The following MYO5B variants were observed in gnomAD, a reference collection of about 807,000 sequenced individuals.
MYO5B encodes the protein unconventional myosin-Vb.
MYO5B carries 143 observed loss-of-function variants against 229.3 expected under a neutral mutation model. That is an observed-to-expected ratio of 0.62 (90% CI 0.54 to 0.72). The LOEUF (loss-of-function observed/expected upper bound fraction) is 0.72, where lower values mean the gene tolerates loss of function less well. Ranked by LOEUF, MYO5B falls within the 30% of genes least tolerant of loss-of-function variation. The pLI is 0.00. For missense variants in MYO5B, 2,321 were observed against 2,331.0 expected (o/e 1.00, Z 0.09); for synonymous variants, 918 against 885.2 (o/e 1.04, Z -0.66).
At chr18:50,130,911 T>C (rs1033609834) in intron 1 of MYO5B, among the ~76,000 whole-genome samples, 1 of 152,122 alleles carries the variant, frequency 6.6e-6, no homozygotes, top group Non-Finnish European at 1.5e-5. Context: ...ACCAAGCTCC[T>C]CTCCTTCCAG....
At chr18:49,868,859 T>C (rs1190735450) in intron 27 of MYO5B, among the ~76,000 whole-genome samples, 3 of 152,262 alleles carry the variant, frequency 2.0e-5, no homozygotes, top group Non-Finnish European at 4.4e-5. Context: ...ACCTAAGCCT[T>C]GTGCAGGGTA....
chr18:50,157,622 G>T (rs2032701273), intron 1 of MYO5B, among the ~76,000 whole-genome samples: 1 of 152,058 alleles, frequency 6.6e-6, no homozygotes, highest in Non-Finnish European at 1.5e-5. Flanking sequence ...CTCACTAGCT[G>T]CTGCTTCTCA....
intron 1 of MYO5B, among the ~76,000 whole-genome samples, chr18:50,088,994 T>TC (rs2031389859): frequency 6.6e-6 from 1 of 152,170 alleles, no homozygotes; most frequent in Non-Finnish European, 1.5e-5. Context: ...ATGCTCATTT[T>TC]TCCTGGTCAG....
intron 1 of MYO5B, among the ~76,000 whole-genome samples, chr18:50,191,260 TCTC>T (rs780890244): frequency 6.6e-6 from 1 of 151,984 alleles, no homozygotes; most frequent in African/African-American, 2.4e-5. Flanking sequence ...TCCCAGAAAA[TCTC>T]CTTAATTTCA....
chr18:50,004,690 C>T (rs1339020023), intron 4 of MYO5B, among the ~76,000 whole-genome samples: 1 of 152,124 alleles, frequency 6.6e-6, no homozygotes, highest in Non-Finnish European at 1.5e-5. Context: ...ATCATGAGAG[C>T]CCATGAGTCC....
chr18:49,937,144 T>A (rs1311781981), intron 15 of MYO5B, 101 bp downstream of exon 15: 4 of 1,429,404 alleles, frequency 2.8e-6, no homozygotes, highest in Non-Finnish European at 3.9e-6. Flanking sequence ...ATGTCAAGGC[T>A]GCTGTGATGG....
At chr18:49,927,688 C>T (rs181617197) in intron 17 of MYO5B, among the ~76,000 whole-genome samples, 1 of 152,298 alleles carries the variant, frequency 6.6e-6, no homozygotes, top group East Asian at 1.9e-4. Flanking sequence ...AATTGGCTAG[C>T]CACATGTAGA....
chr18:49,831,524 A>T (rs1183856278), intron 39 of MYO5B, among the ~76,000 whole-genome samples: 1 of 152,228 alleles, frequency 6.6e-6, no homozygotes, highest in Non-Finnish European at 1.5e-5. Context: ...GATGCTAGTC[A>T]TCAGAGAGAT....
At chr18:49,906,699 C>T (rs1283714758) in intron 18 of MYO5B, 69 bp from the exon 19 acceptor site, 4 of 1,357,800 alleles carry the variant, frequency 2.9e-6, no homozygotes, top group Middle Eastern at 1.8e-4. Flanking sequence ...CCATACCACC[C>T]TTGTTCTTCC....
rs1020097245 is a variant in MYO5B, at chr18:49,827,633, A to G, written c.5395-1010T>C. Among the ~76,000 whole-genome samples the G allele has an allele frequency of 3.9e-5, 6 of 152,132 alleles. No individual in the cohort carries two copies. In the East Asian group the frequency reaches 5.8e-4, roughly 15 times the overall value. ...AATTGAAATGATCCAGTCTGAGAAG[A>G]AAATAAAAATAATGAGGTAAAAATG... On this transcript the variant is annotated intron_variant, in intron 39 of 39. Coordinates refer to ENST00000285039, the MANE Select transcript of MYO5B (RefSeq NM_001080467.3).
At chr18:50,166,286 G>A (rs557915870) in intron 1 of MYO5B, among the ~76,000 whole-genome samples, 24 of 152,298 alleles carry the variant, frequency 1.6e-4, no homozygotes, top group Admixed American at 1.0e-3. Flanking sequence ...CTTGTCCCCA[G>A]ATTCTATCTG....
Position 49,894,947 on chromosome 18 carries a change from C to T in MYO5B, c.3039G>A (p.Leu1013=), listed in dbSNP as rs1198822548. Residue 1013 remains leucine, a synonymous_variant, in exon 22 of 40, where the codon CTG becomes CTA. Transcript: ENST00000285039. ...CCCTCTGGCCTGAGCATACCTTCCT[C>T]AGCTCATCTTTCTCCCTGCTGTGGG... The part of the protein sequence containing the change: ...EDAHSREKDE[L]RKRVADLEQE... 6.2e-7 allele frequency: 1 copy of T among 1,612,798 alleles called. No homozygotes were observed. The highest frequency in any genetic ancestry group is 8.5e-7 in the Non-Finnish European group (1 of 1,179,996).
At chr18:50,187,913 G>T (rs1489204619) in intron 1 of MYO5B, among the ~76,000 whole-genome samples, 1 of 152,112 alleles carries the variant, frequency 6.6e-6, no homozygotes, top group Non-Finnish European at 1.5e-5. Flanking sequence ...AAGGCAATGT[G>T]GAACCCTAAA....
chr18:49,959,299 C>A (rs567476485), intron 12 of MYO5B, among the ~76,000 whole-genome samples: 1 of 152,180 alleles, frequency 6.6e-6, no homozygotes, highest in Admixed American at 6.5e-5. Flanking sequence ...GCTCAGTGCA[C>A]TATTCCGTGA....
chr18:49,941,119 G>T (rs1787603), intron 14 of MYO5B, among the ~76,000 whole-genome samples: 88,938 of 151,974 alleles, frequency 0.59, 26,531 homozygotes, highest in Middle Eastern at 0.73. Flanking sequence ...ACAATCATGC[G>T]GGAATCAACA....
intron 2 of MYO5B, among the ~76,000 whole-genome samples, chr18:50,054,760 G>A (rs2030498978): frequency 6.6e-6 from 1 of 152,156 alleles, no homozygotes; most frequent in South Asian, 2.1e-4. Context: ...TTAAGTACTT[G>A]CCACATATTA....
intron 2 of MYO5B, 59 bp from the exon 3 acceptor site, chr18:50,040,373 C>T (rs2029977748): frequency 1.4e-6 from 2 of 1,461,506 alleles, no homozygotes; most frequent in South Asian, 2.3e-5. Context: ...AGTCTGTATT[C>T]AATGTCCTGT....
At chr18:50,160,204 G>A (rs182056020) in intron 1 of MYO5B, among the ~76,000 whole-genome samples, 1 of 152,374 alleles carries the variant, frequency 6.6e-6, no homozygotes, top group Non-Finnish European at 1.5e-5. Context: ...CCCTAACGTA[G>A]GGTCAGTGAG....
In MYO5B at chr18:49,984,837, G is replaced by T; in HGVS notation, c.839-12C>A. The stretch of plus-strand genomic sequence containing the variant: ...GTCCTCTGCACTTGCTGTGGGAGGC[G>T]AGGAAATAAGGCATGAGGCACTGGA... On this transcript the variant is annotated splice_polypyrimidine_tract_variant and intron_variant, in intron 7 of 39. Transcript: ENST00000285039. 1.3e-6 allele frequency: 2 copies of T among 1,553,722 alleles called. No homozygotes were observed. The highest frequency in any genetic ancestry group is 1.1e-5 in the South Asian group (1 of 89,856).
Sources: allele counts gnomAD v4.1 joint callset (sites outside exome capture counted in the v4.1 genomes callset), GRCh38; gene constraint gnomAD v4.1.1; transcripts MANE v1.5; gene names NCBI Gene and HGNC (gene_info 2026-07-23, HGNC 2026-07-21).